The following RND3 variants were observed in gnomAD, a reference collection of about 807,000 sequenced individuals.
The protein encoded by RND3 is rho-related GTP-binding protein RhoE.
A neutral mutation model predicts 26.5 loss-of-function variants in RND3; 8 were observed. That is an observed-to-expected ratio of 0.30 (90% CI 0.18 to 0.54). The LOEUF is 0.54. RND3 is among the 20% of genes least tolerant of loss of function. RND3 has a pLI of 0.94. For missense variants in RND3, 207 were observed against 302.8 expected (o/e 0.68, Z 2.35); for synonymous variants, 113 against 113.0 (o/e 1.00, Z 0.00).
chr2:150,480,507 T>C (rs1171556281), intron 3 of RND3, among the ~76,000 whole-genome samples: 1 of 152,178 alleles, frequency 6.6e-6, no homozygotes, highest in Non-Finnish European at 1.5e-5. Context: ...TATTGGTTCT[T>C]GGTGTCATAT....
intron 3 of RND3, among the ~76,000 whole-genome samples, chr2:150,476,895 G>A (rs773891521): frequency 1.3e-4 from 20 of 152,160 alleles, no homozygotes; most frequent in Non-Finnish European, 2.6e-4. Context: ...TTAGTTCTAA[G>A]AAGTTCACAC....
At chr2:150,475,208 C>A in intron 3 of RND3, 1 of 415,796 alleles carries the variant, frequency 2.4e-6, no homozygotes, top group Non-Finnish European at 4.5e-6. Flanking sequence ...AGAAGAGGGC[C>A]AGGATCTTAA....
chr2:150,482,735 G>GGGGGGGGGGGGGGGGC (rs1686296666), intron 3 of RND3, among the ~76,000 whole-genome samples: 1 of 133,646 alleles, frequency 7.5e-6, no homozygotes, highest in Non-Finnish European at 1.6e-5. Context: ...GGGTGGGGGG[G>GGGGGGGGGGGGGGGGC]GCGGTGCGGG....
chr2:150,476,113 G>A lies in RND3; in HGVS notation c.239-1129C>T, dbSNP rs139087772. Among the ~76,000 whole-genome samples, 459 of 152,318 alleles carry A rather than the reference G, an allele frequency of 3.0e-3. 5 individuals carry two copies. Among genetic ancestry groups the A allele is most frequent in the African/African-American group, 0.01 (434 of 41,572 alleles). ...ACTAGGCAAATATATACACACGTAT[G>A]TATCTGACTCCAGAGTAGAAAAAGA... is the stretch of plus-strand genomic sequence containing the variant. On this transcript the variant is annotated intron_variant, in intron 3 of 5. Transcript: ENST00000263895.
chr2:150,483,765 C>T (rs1193982389), intron 3 of RND3, among the ~76,000 whole-genome samples: 1 of 152,168 alleles, frequency 6.6e-6, no homozygotes, highest in East Asian at 1.9e-4. Context: ...ACAGGCTATT[C>T]TTAGAATTTA....
chr2:150,479,256 T>A (rs1180752687), intron 3 of RND3, among the ~76,000 whole-genome samples: 5 of 152,156 alleles, frequency 3.3e-5, no homozygotes, highest in Non-Finnish European at 7.4e-5. Context: ...ACCCAGAAAC[T>A]AATTCTTCAG....
In RND3 at chr2:150,487,324, T is replaced by C; in HGVS notation, c.94A>G (p.Ser32Gly). 1.2e-6 allele frequency: 2 copies of C among 1,606,146 alleles called. No individual in the cohort carries two copies. Among genetic ancestry groups the C allele is most frequent in the Non-Finnish European group, 8.5e-7 (1 of 1,175,764 alleles). The change falls in exon 2 of 6, where the codon AGT becomes GGT. Residue 32 changes from serine to glycine, a missense_variant. Transcript: ENST00000263895. ...VKCKIVVVGD[S>G]QCGKTALLHV... Reference sequence around the variant, plus strand: ...AGCAGCGCAGTTTTTCCACACTGACTGTCTCCCACCACAACTATCTTGCAT... The same window carrying C: ...AGCAGCGCAGTTTTTCCACACTGACCGTCTCCCACCACAACTATCTTGCAT...
In RND3 at chr2:150,468,773, T is replaced by C. The variant is rs1488704466; in HGVS notation, c.*1214A>G. On this transcript the variant is annotated 3_prime_UTR_variant, in exon 6 of 6. Coordinates refer to ENST00000263895, the MANE Select transcript of RND3 (RefSeq NM_005168.5). ...AGAGACCAAGTGCTGAACACAGACCTTGGCTGCATCTGTTCAGTGAGGTTT... is the reference window on the plus strand; with the variant it reads ...AGAGACCAAGTGCTGAACACAGACCCTGGCTGCATCTGTTCAGTGAGGTTT... 2.0e-5 allele frequency: 3 copies of C among 152,642 alleles called. No homozygotes were observed. Among genetic ancestry groups the C allele is most frequent in the African/African-American group, 4.8e-5 (2 of 41,458 alleles). 9.5% of individuals were successfully genotyped at this position (152,642 alleles called of 1,614,324 possible).
chr2:150,477,674 G>T (rs1686190396), intron 3 of RND3, among the ~76,000 whole-genome samples: 1 of 152,092 alleles, frequency 6.6e-6, no homozygotes, highest in African/African-American at 2.4e-5. Flanking sequence ...TTTAGACTCT[G>T]GCCTGATTTT....
chr2:150,480,263 C>T lies in RND3; in HGVS notation c.239-5279G>A, dbSNP rs552404840. ...AATCCCATGAGTGAATTCATCTTTC[C>T]ACAAACTATGTCATCAGGCTCATTT... On this transcript the variant is annotated intron_variant, in intron 3 of 5. Transcript: ENST00000263895. 1.3e-5 allele frequency among the ~76,000 whole-genome samples: 2 copies of T among 152,082 alleles called. 1 individual carries two copies. Among genetic ancestry groups the T allele is most frequent in the South Asian group, 4.1e-4 (2 of 4,832 alleles).
In RND3 at chr2:150,469,946, T is replaced by C. The variant is rs765484310; in HGVS notation, c.*41A>G. On this transcript the variant is annotated 3_prime_UTR_variant, in exon 6 of 6. Transcript: ENST00000263895. ...CACCTTTTTGTTTGCTGTTGTTTTT[T>C]ACACTAGATTCCTTTGTCTTCATTA... 2 of 1,603,730 alleles carry C rather than the reference T, an allele frequency of 1.2e-6. No homozygotes were observed. The highest frequency in any genetic ancestry group is 1.1e-5 in the South Asian group (1 of 90,020).
At chr2:150,473,026 T>C (rs955696521) in intron 4 of RND3, among the ~76,000 whole-genome samples, 12 of 139,730 alleles carry the variant, frequency 8.6e-5, no homozygotes, top group African/African-American at 2.9e-4. Context: ...TCCTTCCTTC[T>C]TTCCTTCTTT....
chr2:150,479,784 C>T (rs1271848427), intron 3 of RND3, among the ~76,000 whole-genome samples: 1 of 152,202 alleles, frequency 6.6e-6, no homozygotes, highest in Admixed American at 6.5e-5. Context: ...CAGTGTAAGA[C>T]TGTTTAGTTC....
intron 3 of RND3, among the ~76,000 whole-genome samples, chr2:150,479,469 A>C (rs983413432): frequency 6.6e-6 from 1 of 152,202 alleles, no homozygotes; most frequent in African/African-American, 2.4e-5. Flanking sequence ...CATAAATATA[A>C]TTTATTTAAC....
Position 150,469,186 on chromosome 2 carries a change from C to CA in RND3, c.*800dup, listed in dbSNP as rs78879499. On this transcript the variant is annotated 3_prime_UTR_variant, in exon 6 of 6. Coordinates refer to ENST00000263895, the MANE Select transcript of RND3 (RefSeq NM_005168.5). ...GACTTTGCATTTTTATCAACGATGG[C>CA]AAAAAATCACACAACTTCTAAACAG... is the stretch of plus-strand genomic sequence containing the variant. The CA allele has an allele frequency of 2.0e-5, 3 of 152,450 alleles. No individual in the cohort carries two copies. The highest frequency in any genetic ancestry group is 6.5e-5 in the Admixed American group (1 of 15,268). 9.4% of individuals were successfully genotyped at this position (152,450 alleles called of 1,614,324 possible). A position where few individuals can be genotyped will look rare whatever the true frequency, so the allele number is the denominator to read the frequency against.
At chr2:150,479,243 C>T (rs1686231030) in intron 3 of RND3, among the ~76,000 whole-genome samples, 1 of 152,118 alleles carries the variant, frequency 6.6e-6, no homozygotes, top group Non-Finnish European at 1.5e-5. Flanking sequence ...CACAACGTGC[C>T]TCACCCAGAA....
Position 150,487,059 on chromosome 2 carries a change from G to A in RND3, c.150+209C>T, listed in dbSNP as rs182414032. 1.3e-3 allele frequency: 758 copies of A among 601,366 alleles called. 5 individuals carry two copies. The highest frequency in any genetic ancestry group is 0.013 in the African/African-American group (677 of 53,966). The allele number at this position is 601,366 out of a possible 1,614,324, so 37.3% of individuals were successfully genotyped here. ...AAGTTTCAGGAGCTAACCAGCCCAT[G>A]TGCAGGCGCGTCCCAACCCTAAAAG... On this transcript the variant is annotated intron_variant, in intron 2 of 5. Transcript: ENST00000263895.
At position 150,486,344 on chromosome 2, in the gene RND3, G is replaced by C. The variant is rs1250133767; in HGVS notation, c.238+350C>G. Among the ~76,000 whole-genome samples, 3 of 152,182 alleles carry C rather than the reference G, an allele frequency of 2.0e-5. No homozygotes were observed. The East Asian group carries it at 5.8e-4, about 29-fold the overall frequency. The stretch of plus-strand genomic sequence containing the variant: ...CCGCCTTGAGCCGGGTGGTTCCGCC[G>C]AGGCGCACGCAGCGCCCATGCAACA... On this transcript the variant is annotated intron_variant, in intron 3 of 5. Transcript: ENST00000263895. This position sits in a 1 kb window ranked among gnomAD's most constrained non-coding sequence, Gnocchi z 4.5.
chr2:150,471,724 T>C lies in RND3; in HGVS notation c.386A>G (p.Lys129Arg), dbSNP rs1272286193. Reference sequence around the variant, plus strand: ...AGACTTGCAGCCGACCAAGAGCATTTTGGTATTTGGACAAAATTCCTGGAT... The same window carrying C: ...AGACTTGCAGCCGACCAAGAGCATTCTGGTATTTGGACAAAATTCCTGGAT... ...GEIQEFCPNT[K>R]MLLVGCKSDL... Residue 129 changes from lysine (K) to arginine (R), a missense_variant, in exon 5 of 6, where the codon AAA (lysine) becomes AGA (arginine). Coordinates refer to ENST00000263895, the MANE Select transcript of RND3 (RefSeq NM_005168.5). 3.1e-6 allele frequency: 5 copies of C among 1,613,338 alleles called. No homozygotes were observed. Among genetic ancestry groups the C allele is most frequent in the Non-Finnish European group, 4.2e-6 (5 of 1,179,564 alleles).
Sources: allele counts gnomAD v4.1 joint callset (sites outside exome capture counted in the v4.1 genomes callset), GRCh38; gene constraint gnomAD v4.1.1; non-coding constraint Gnocchi (gnomAD v3.1); transcripts MANE v1.5; gene names NCBI Gene and HGNC (gene_info 2026-07-23, HGNC 2026-07-21).